Variants in PHF21A observed in about 807,000 individuals in gnomAD.
PHF21A encodes the protein BHC80a.
PHF21A carries 11 observed loss-of-function variants against 82.5 expected under a neutral mutation model. The ratio of observed to expected loss-of-function variants is 0.13; its 90% CI spans 0.08 to 0.22. The LOEUF is 0.22. Among genes scored for constraint, PHF21A ranks in the 10% least tolerant of loss-of-function variants. The pLI is 1.00. For synonymous variants in PHF21A, 297 were observed against 302.8 expected (o/e 0.98, Z 0.20); for missense variants, 579 against 837.8 (o/e 0.69, Z 3.81).
chr11:46,035,579 TG>T (rs2095981787), intron 6 of PHF21A, among the ~76,000 whole-genome samples: 1 of 151,958 alleles, frequency 6.6e-6, no homozygotes, highest in South Asian at 2.1e-4. Flanking sequence ...ATATAATGAG[TG>T]TTAGGATAAA....
At chr11:46,012,815 T>C (rs2095437903) in intron 6 of PHF21A, among the ~76,000 whole-genome samples, 1 of 152,224 alleles carries the variant, frequency 6.6e-6, no homozygotes, top group African/African-American at 2.4e-5. Flanking sequence ...CTCATCTTAA[T>C]GATACCCTAA....
At chr11:46,102,436 T>C (rs772733580) in intron 1 of PHF21A, among the ~76,000 whole-genome samples, 47 of 152,240 alleles carry the variant, frequency 3.1e-4, no homozygotes, top group Non-Finnish European at 5.7e-4. Flanking sequence ...CAATATATAA[T>C]AAGGCATCAG....
intron 9 of PHF21A, among the ~76,000 whole-genome samples, chr11:45,968,703 T>C (rs1283272405): frequency 6.6e-6 from 1 of 151,840 alleles, no homozygotes; most frequent in Non-Finnish European, 1.5e-5. Flanking sequence ...CCGAGGCAGG[T>C]GGATCACCCT....
intron 4 of PHF21A, 102 bp from the exon 5 acceptor site, chr11:46,079,268 A>C: frequency 1.3e-6 from 1 of 753,390 alleles, no homozygotes; most frequent in Non-Finnish European, 2.2e-6. Context: ...TTAACACAAA[A>C]AAAAGAGCAA....
At chr11:46,084,349 A>G (rs970704607) in intron 3 of PHF21A, 47 bp from the exon 4 acceptor site, 2 of 602,060 alleles carry the variant, frequency 3.3e-6, no homozygotes, top group East Asian at 3.4e-5. Context: ...TGGAATAAAT[A>G]TAATATTTAT....
chr11:46,110,779 A>G (rs1320722010), intron 1 of PHF21A, among the ~76,000 whole-genome samples: 1 of 144,864 alleles, frequency 6.9e-6, no homozygotes, highest in African/African-American at 2.6e-5. Flanking sequence ...TCTAATCTAC[A>G]TATTAACAAT....
At chr11:46,014,638 C>G (rs900804759) in intron 6 of PHF21A, among the ~76,000 whole-genome samples, 1 of 152,154 alleles carries the variant, frequency 6.6e-6, no homozygotes, top group East Asian at 1.9e-4. Flanking sequence ...TATGTGTTCC[C>G]TTTTTTCCAT....
At chr11:46,006,201 T>C (rs2095290872) in intron 6 of PHF21A, among the ~76,000 whole-genome samples, 1 of 152,222 alleles carries the variant, frequency 6.6e-6, no homozygotes, top group South Asian at 2.1e-4. Flanking sequence ...TAAAATTAAA[T>C]GTTATAAACT....
At chr11:45,994,657 C>G (rs1183298884) in intron 6 of PHF21A, among the ~76,000 whole-genome samples, 3 of 152,198 alleles carry the variant, frequency 2.0e-5, no homozygotes, top group African/African-American at 4.8e-5. Flanking sequence ...TTTGTAAGAA[C>G]AAGATGTCAG....
chr11:45,948,489 C>A (rs1461988008), intron 14 of PHF21A, among the ~76,000 whole-genome samples: 1 of 152,214 alleles, frequency 6.6e-6, no homozygotes, highest in Admixed American at 6.5e-5. Context: ...TCTGGCCTTG[C>A]CGGCAGCAGG....
In PHF21A at chr11:45,934,057, G is replaced by A. The variant is rs151090965; in HGVS notation, c.1957C>T (p.Pro653Ser). 5.0e-6 allele frequency: 8 copies of A among 1,613,958 alleles called. No homozygotes were observed. Among genetic ancestry groups the A allele is most frequent in the Non-Finnish European group, 6.8e-6 (8 of 1,179,888 alleles). ...AISNGPDCTP[P>S]ANAATSTPAP... ...GGCGTGGAGGTGGCGGCATTGGCAG[G>A]GGGGGTGCAGTCCGGGCCATTGGAG... is the stretch of plus-strand genomic sequence containing the variant. Residue 653 changes from proline to serine, a missense_variant, in exon 19 of 19, where the codon CCT (proline) becomes TCT (serine). This residue lies in a region of PHF21A where 157 missense variants were observed against 149.4 expected (regional missense o/e 1.05). Coordinates refer to ENST00000676320, the MANE Select transcript of PHF21A (RefSeq NM_001352027.3).
chr11:46,026,176 T>C (rs1029811704), intron 6 of PHF21A, among the ~76,000 whole-genome samples: 10 of 152,228 alleles, frequency 6.6e-5, no homozygotes, highest in Non-Finnish European at 1.3e-4. Context: ...TATATTTGGC[T>C]TTAAAATTTT....
intron 6 of PHF21A, among the ~76,000 whole-genome samples, chr11:46,065,448 G>A (rs2096583187): frequency 6.6e-6 from 1 of 152,190 alleles, no homozygotes; most frequent in Non-Finnish European, 1.5e-5. Context: ...GCATGGCAGT[G>A]CTGAAAGATG....
intron 11 of PHF21A, among the ~76,000 whole-genome samples, chr11:45,951,828 G>A (rs2945996): frequency 0.86 from 116,314 of 135,416 alleles, 49,895 homozygotes; most frequent in East Asian, 0.99. Context: ...TTTTTTTGAG[G>A]CGGAGTCTCA....
chr11:45,936,596 T>G, intron 16 of PHF21A, 27 bp from the exon 17 acceptor site: 1 of 1,515,930 alleles, frequency 6.6e-7, no homozygotes. Context: ...AATTTTACCT[T>G]GAGAAGGAGG....
intron 6 of PHF21A, among the ~76,000 whole-genome samples, chr11:46,054,233 T>C (rs1293281861): frequency 6.6e-6 from 1 of 152,160 alleles, no homozygotes; most frequent in Non-Finnish European, 1.5e-5. Flanking sequence ...AAGGAAAAGC[T>C]GAAAGTCAGA....
rs368948693 is a variant in PHF21A at position 46,096,109 on chromosome 11, C to T, written c.-236-3886G>A. ...GTGGTTAGAAGAAAAAGCAGAATCC[C>T]GCTTGATAGGCTTAGTCCTTGGGGC... On this transcript the variant is annotated intron_variant, in intron 1 of 18. Transcript: ENST00000676320. Among the ~76,000 whole-genome samples the T allele has an allele frequency of 4.9e-4, 74 of 152,200 alleles. 1 individual carries two copies. In the South Asian group the frequency reaches 0.015, roughly 31 times the overall value.
rs1422017244 is a variant in PHF21A at position 46,040,484 on chromosome 11, C to T, written c.153+36270G>A. Among the ~76,000 whole-genome samples, 4 of 152,046 alleles carry T rather than the reference C, an allele frequency of 2.6e-5. No homozygotes were observed. In the South Asian group the frequency reaches 6.2e-4, roughly 24 times the overall value. ...ATATTTAAAAAGTGGGGAGGGGTGA[C>T]GGCTTGGGGCTCTGTAGCCCTTGTA... On this transcript the variant is annotated intron_variant, in intron 6 of 18. Transcript: ENST00000676320.
intron 10 of PHF21A, among the ~76,000 whole-genome samples, chr11:45,955,318 C>A (rs1042965694): frequency 6.6e-6 from 1 of 151,662 alleles, no homozygotes; most frequent in African/African-American, 2.4e-5. Context: ...ACTTTTTAAT[C>A]AAAAAGGACA....
Sources: gnomAD v4.1 joint callset for allele counts (sites outside exome capture counted in the v4.1 genomes callset) on GRCh38, gnomAD v4.1.1 for gene constraint, gnomAD v4.1.1 regional missense constraint, MANE v1.5 for transcripts, NCBI Gene and HGNC (gene_info 2026-07-23, HGNC 2026-07-21) for gene names.